Variants in GRID1 observed in about 807,000 individuals in gnomAD.
GRID1 encodes glutamate receptor ionotropic, delta-1.
A neutral mutation model predicts 98.0 loss-of-function variants in GRID1; 28 were observed. The observed-to-expected ratio is 0.29, with a 90% CI of 0.21 to 0.39. The LOEUF (loss-of-function observed/expected upper bound fraction) is 0.39, where lower values mean the gene tolerates loss of function less well. Among genes scored for constraint, GRID1 ranks in the 10% least tolerant of loss-of-function variants. GRID1 has a pLI of 1.00. For synonymous variants in GRID1, 553 were observed against 538.5 expected, an observed-to-expected ratio of 1.03 and a Z score of -0.37; for missense variants, 1,111 against 1,340.5, an observed-to-expected ratio of 0.83 and a Z score of 2.67.
intron 13 of GRID1, chr10:85,645,789 C>T (rs1039930049): frequency 3.3e-5 from 5 of 152,282 alleles, no homozygotes; most frequent in Non-Finnish European, 7.3e-5. Context: ...GGATCCTGTA[C>T]AAGTCATCCT....
chr10:85,642,665 C>T (rs1247606498), intron 13 of GRID1, among the ~76,000 whole-genome samples: 1 of 152,220 alleles, frequency 6.6e-6, no homozygotes, highest in Non-Finnish European at 1.5e-5. Context: ...AAAATTCCCT[C>T]CTGTTCCAAA....
intron 4 of GRID1, among the ~76,000 whole-genome samples, chr10:85,953,517 A>G (rs969861463): frequency 1.3e-5 from 2 of 152,200 alleles, no homozygotes; most frequent in Non-Finnish European, 2.9e-5. Context: ...ACATTGTTCA[A>G]AGGTCAACTG....
At chr10:86,211,981 T>C (rs1846113869) in intron 2 of GRID1, among the ~76,000 whole-genome samples, 1 of 152,176 alleles carries the variant, frequency 6.6e-6, no homozygotes, top group South Asian at 2.1e-4. Context: ...TGAAAGCAGA[T>C]CCTTGACTCA....
At chr10:85,700,630 A>G (rs1277250983) in intron 12 of GRID1, among the ~76,000 whole-genome samples, 2 of 152,216 alleles carry the variant, frequency 1.3e-5, no homozygotes, top group Non-Finnish European at 2.9e-5. Flanking sequence ...TATAGCAGGT[A>G]AACATCTATT....
intron 8 of GRID1, among the ~76,000 whole-genome samples, chr10:85,836,879 C>A (rs1336587059): frequency 6.6e-6 from 1 of 152,124 alleles, no homozygotes; most frequent in Non-Finnish European, 1.5e-5. Context: ...CACACCATAG[C>A]TTCTGCACCA....
In GRID1 at chr10:86,004,635, A is replaced by G. The variant is rs116084509; in HGVS notation, c.727-88396T>C. Among the ~76,000 whole-genome samples, 1,231 of 152,192 alleles carry G rather than the reference A, an allele frequency of 8.1e-3. 21 individuals are homozygous for G. Among genetic ancestry groups the G allele is most frequent in the African/African-American group, 0.028 (1,157 of 41,518 alleles). ...TTATTGGCCCTCTCCTGGGTCTCCA[A>G]CCTGCTGGCTCACTCTGCAGATTTC... On this transcript the variant is annotated intron_variant, in intron 4 of 15. Coordinates refer to ENST00000327946, the MANE Select transcript of GRID1 (RefSeq NM_017551.3).
chr10:85,968,450 C>CGAA (rs1842366747), intron 4 of GRID1, among the ~76,000 whole-genome samples: 2 of 102,446 alleles, frequency 2.0e-5, no homozygotes, highest in African/African-American at 7.3e-5. Context: ...GACTCTGTCT[C>CGAA]AAAAAAAAAA....
chr10:86,330,290 G>A (rs1848120676), intron 2 of GRID1, among the ~76,000 whole-genome samples: 1 of 152,060 alleles, frequency 6.6e-6, no homozygotes, highest in Non-Finnish European at 1.5e-5. Context: ...GCCTTCCTTG[G>A]GGCTCCTCTC....
chr10:85,658,262 A>G (rs1840925954), intron 12 of GRID1, among the ~76,000 whole-genome samples: 1 of 152,116 alleles, frequency 6.6e-6, no homozygotes. Flanking sequence ...TGAACCCTCT[A>G]GTGTGTCAGC....
intron 4 of GRID1, among the ~76,000 whole-genome samples, chr10:85,972,366 C>T (rs938849326): frequency 2.0e-5 from 3 of 150,672 alleles, no homozygotes; most frequent in Admixed American, 6.6e-5. Context: ...TTGGGAAGAG[C>T]GTAATTTCCC....
chr10:85,759,723 ATGG>A (rs1842130343), intron 8 of GRID1, among the ~76,000 whole-genome samples: 1 of 152,222 alleles, frequency 6.6e-6, no homozygotes, highest in African/African-American at 2.4e-5. Flanking sequence ...TGTACATTTA[ATGG>A]TTTTAATTTC....
At chr10:85,757,206 A>G (rs1249933697) in intron 8 of GRID1, among the ~76,000 whole-genome samples, 4 of 152,194 alleles carry the variant, frequency 2.6e-5, no homozygotes, top group Non-Finnish European at 5.9e-5. Flanking sequence ...TCAAGGTTCT[A>G]CTACCTAATC....
chr10:86,329,748 C>CCCTG (rs1030396088), intron 2 of GRID1, among the ~76,000 whole-genome samples: 2 of 152,200 alleles, frequency 1.3e-5, no homozygotes, highest in African/African-American at 4.8e-5. Context: ...GCCAGTCTAC[C>CCCTG]CCTGCTCATG....
chr10:85,759,853 A>G (rs1842131345), intron 8 of GRID1, among the ~76,000 whole-genome samples: 1 of 152,186 alleles, frequency 6.6e-6, no homozygotes, highest in African/African-American at 2.4e-5. Flanking sequence ...AATCCTAGCT[A>G]ATTAGTGATG....
chr10:85,749,040 C>T (rs1564578806), intron 8 of GRID1, among the ~76,000 whole-genome samples: 1 of 152,208 alleles, frequency 6.6e-6, no homozygotes, highest in Non-Finnish European at 1.5e-5. Context: ...CTATTACTAC[C>T]TCCCAAATCC....
intron 2 of GRID1, among the ~76,000 whole-genome samples, chr10:86,351,972 T>C (rs1310595180): frequency 6.6e-6 from 1 of 152,182 alleles, no homozygotes; most frequent in African/African-American, 2.4e-5. Flanking sequence ...ACGTCCCTTG[T>C]TTAGGTACAC....
chr10:86,139,151 C>G, intron 3 of GRID1, 127 bp from the exon 4 acceptor site: 1 of 674,616 alleles, frequency 1.5e-6, no homozygotes, highest in East Asian at 2.6e-5. Flanking sequence ...CCAAGTCAGC[C>G]TCAGTGATTC....
intron 3 of GRID1, among the ~76,000 whole-genome samples, chr10:86,204,542 G>C (rs1270538092): frequency 6.6e-6 from 1 of 152,216 alleles, no homozygotes; most frequent in Non-Finnish European, 1.5e-5. Flanking sequence ...TGCATCTTGA[G>C]AAGAGTGAGG....
chr10:86,219,161 T>C (rs1456740091), intron 2 of GRID1, among the ~76,000 whole-genome samples: 2 of 152,188 alleles, frequency 1.3e-5, no homozygotes, highest in Non-Finnish European at 2.9e-5. Flanking sequence ...GCCTGTCACC[T>C]GGTGGGGACC....
Sources: allele counts gnomAD v4.1 joint callset (sites outside exome capture counted in the v4.1 genomes callset), GRCh38; gene constraint gnomAD v4.1.1; transcripts MANE v1.5; gene names NCBI Gene and HGNC (gene_info 2026-07-23, HGNC 2026-07-21).